Variants in UNC13C observed in about 807,000 individuals in gnomAD.
The protein encoded by UNC13C is unc-13 homolog C.
Under a neutral mutation model 245.4 loss-of-function variants are expected in UNC13C, and 174 were observed. The observed-to-expected ratio is 0.71, with a 90% CI of 0.63 to 0.80. UNC13C has a LOEUF of 0.80. UNC13C is among the 30% of genes least tolerant of loss of function. The probability of loss-of-function intolerance (pLI) is 0.00; values close to 1 mark genes in which losing one functional copy is unlikely to be tolerated. For synonymous variants in UNC13C, 992 were observed against 895.1 expected, an observed-to-expected ratio of 1.11 and a Z score of -1.93; for missense variants, 2,829 against 2,602.9, an observed-to-expected ratio of 1.09 and a Z score of -1.89.
chr15:54,386,533 G>T (rs1209250454), intron 17 of UNC13C, among the ~76,000 whole-genome samples: 1 of 152,146 alleles, frequency 6.6e-6, no homozygotes, highest in Non-Finnish European at 1.5e-5. Flanking sequence ...GCTTTCTCTT[G>T]TTGGTTTTCA....
chr15:54,003,805 G>C (rs1258261523), intron 1 of UNC13C, among the ~76,000 whole-genome samples: 1 of 152,180 alleles, frequency 6.6e-6, no homozygotes, highest in East Asian at 1.9e-4. Flanking sequence ...GAGGTCAGGA[G>C]ATCGAGACCA....
chr15:54,033,096 A>G (rs781137719), intron 2 of UNC13C, among the ~76,000 whole-genome samples: 1 of 152,198 alleles, frequency 6.6e-6, no homozygotes, highest in Non-Finnish European at 1.5e-5. Context: ...GAACTTACTC[A>G]TGTAACCAAA....
intron 17 of UNC13C, among the ~76,000 whole-genome samples, chr15:54,361,188 A>G (rs887115858): frequency 2.0e-5 from 3 of 151,602 alleles, no homozygotes; most frequent in South Asian, 2.1e-4. Flanking sequence ...CCTATTTTGT[A>G]TATTCTCTCT....
intron 2 of UNC13C, among the ~76,000 whole-genome samples, chr15:54,120,278 T>C (rs2141192758): frequency 6.6e-6 from 1 of 152,242 alleles, no homozygotes; most frequent in African/African-American, 2.4e-5. Context: ...CAGTGCTCCA[T>C]TTTGCATTCT....
intron 16 of UNC13C, 67 bp downstream of exon 16, chr15:54,333,923 T>G (rs1270332339): frequency 8.4e-7 from 1 of 1,188,894 alleles, no homozygotes; most frequent in Non-Finnish European, 1.2e-6. Context: ...TGGTAAAGTC[T>G]TGCTTTACCC....
At chr15:54,246,371 T>C (rs1014956406) in intron 7 of UNC13C, among the ~76,000 whole-genome samples, 1 of 151,550 alleles carries the variant, frequency 6.6e-6, no homozygotes, top group African/African-American at 2.4e-5. Flanking sequence ...GCAAAAAAAA[T>C]TGCCTTCTTT....
At chr15:53,996,247 C>G (rs925321655) in intron 1 of UNC13C, among the ~76,000 whole-genome samples, 1 of 152,038 alleles carries the variant, frequency 6.6e-6, no homozygotes, top group Admixed American at 6.6e-5. Context: ...AATTTTGTTC[C>G]AATTGTGTGA....
rs1362265312 is a variant in UNC13C at position 54,627,887 on chromosome 15, T to TAGAA, written c.*776_*779dup. ...ATTCTTTAAAAAGTCATTAATGGTT[T>TAGAA]AGAAATGGGATGGAAAGTTTACTGA... On this transcript the variant is annotated 3_prime_UTR_variant, in exon 33 of 33. Transcript: ENST00000260323. The TAGAA allele has an allele frequency of 6.6e-6, 1 of 152,592 alleles. No homozygotes were observed. The highest frequency in any genetic ancestry group is 6.6e-5 in the Admixed American group (1 of 15,256). 9.5% of individuals were successfully genotyped at this position (152,592 alleles called of 1,614,324 possible).
At chr15:53,897,751 T>C in the UNC13C span, among the ~76,000 whole-genome samples, 3 of 152,188 alleles carry the variant, frequency 2.0e-5, no homozygotes, top group African/African-American at 7.2e-5. Context: ...TAGACCCCTT[T>C]CTTGGAAAAT....
At chr15:54,147,789 CGTGTGTGT>C (rs56353727) in intron 4 of UNC13C, among the ~76,000 whole-genome samples, 1 of 147,474 alleles carries the variant, frequency 6.8e-6, no homozygotes, top group African/African-American at 2.5e-5. Flanking sequence ...AAGGTGTGTG[CGTGTGTGT>C]GTGTGTGTGT....
intron 4 of UNC13C, among the ~76,000 whole-genome samples, chr15:54,147,220 CT>C (rs5812743): frequency 0.57 from 72,750 of 128,518 alleles, 20,812 homozygotes; most frequent in Non-Finnish European, 0.68. Flanking sequence ...ATGAAACTAC[CT>C]TTTTTTTTTT....
intron 2 of UNC13C, among the ~76,000 whole-genome samples, chr15:54,041,101 T>C (rs1896790070): frequency 6.6e-6 from 1 of 152,264 alleles, no homozygotes; most frequent in Non-Finnish European, 1.5e-5. Flanking sequence ...GTTTTGCTTA[T>C]TAATGGATAA....
chr15:54,024,470 G>A (rs1475925472), intron 2 of UNC13C, among the ~76,000 whole-genome samples: 1 of 152,178 alleles, frequency 6.6e-6, no homozygotes, highest in Non-Finnish European at 1.5e-5. Flanking sequence ...TTGATGCTGA[G>A]TCCAAGGGAG....
At position 54,300,344 on chromosome 15, in the gene UNC13C, T is replaced by C. The variant is rs2037546913; in HGVS notation, c.4239T>C (p.Tyr1413=). Residue 1413 remains tyrosine, a synonymous_variant, in exon 13 of 33, where the codon TAT becomes TAC. Transcript: ENST00000260323. ...QEIVDEFAMR[Y]GIESIYQAMT... ...TAGTTGATGAATTTGCTATGCGTTA[T>C]GGAATTGAATCCATTTATCAAGCTA... 6.3e-7 allele frequency: 1 copy of C among 1,580,056 alleles called. No individual in the cohort carries two copies. Among genetic ancestry groups the C allele is most frequent in the Non-Finnish European group, 8.6e-7 (1 of 1,161,302 alleles).
At chr15:54,553,752 T>C (rs1896973365) in intron 28 of UNC13C, among the ~76,000 whole-genome samples, 1 of 151,520 alleles carries the variant, frequency 6.6e-6, no homozygotes, top group South Asian at 2.1e-4. Flanking sequence ...TTATTTCTAG[T>C]AAGAATTATA....
chr15:54,586,844 G>T (rs560813837), intron 30 of UNC13C, among the ~76,000 whole-genome samples: 1 of 152,264 alleles, frequency 6.6e-6, no homozygotes, highest in South Asian at 2.1e-4. Flanking sequence ...GGAGTAAATC[G>T]TTGCATTCCT....
At chr15:53,894,333 G>A in the UNC13C span, among the ~76,000 whole-genome samples, 12 of 152,312 alleles carry the variant, frequency 7.9e-5, no homozygotes, top group Admixed American at 7.8e-4. Context: ...CTTAATAATA[G>A]TCAGTTGAAT....
chr15:54,583,203 A>AAACTAT (rs1898286838), intron 30 of UNC13C, among the ~76,000 whole-genome samples: 1 of 152,232 alleles, frequency 6.6e-6, no homozygotes, highest in African/African-American at 2.4e-5. Flanking sequence ...TGTTGACTGC[A>AAACTAT]AACTATAACC....
the UNC13C span, among the ~76,000 whole-genome samples, chr15:53,953,520 A>G: frequency 6.6e-6 from 1 of 152,356 alleles, no homozygotes; most frequent in African/African-American, 2.4e-5. Flanking sequence ...GGAGCAAAAT[A>G]GAGATTCTCC....
Sources: gnomAD v4.1 joint callset for allele counts (sites outside exome capture counted in the v4.1 genomes callset) on GRCh38, gnomAD v4.1.1 for gene constraint, MANE v1.5 for transcripts, NCBI Gene and HGNC (gene_info 2026-07-23, HGNC 2026-07-21) for gene names.